The following LEMD3 variants were observed in gnomAD, a reference collection of about 807,000 sequenced individuals.
LEMD3 encodes the protein LEM domain containing 3.
LEMD3 carries 33 observed loss-of-function variants against 95.2 expected under a neutral mutation model. That is an observed-to-expected ratio of 0.35 (90% confidence interval 0.26 to 0.46). The LOEUF (loss-of-function observed/expected upper bound fraction) is 0.46, where lower values mean the gene tolerates loss of function less well. Among genes scored for constraint, LEMD3 ranks in the 20% least tolerant of loss-of-function variants. The probability of loss-of-function intolerance (pLI) is 1.00; values close to 1 mark genes in which losing one functional copy is unlikely to be tolerated. For synonymous variants in LEMD3, 525 were observed against 474.6 expected, an observed-to-expected ratio of 1.11 and a Z score of -1.38; for missense variants, 1,210 against 1,192.8, an observed-to-expected ratio of 1.01 and a Z score of -0.21.
rs551179499 is a variant in LEMD3 at position 65,170,467 on chromosome 12, A to G, written c.871A>G (p.Ser291Gly). The G allele has an allele frequency of 4.6e-5, 74 of 1,613,580 alleles. 1 individual carries two copies. The South Asian group carries it at 7.7e-4, about 17-fold the overall frequency. The change falls in exon 1 of 13, where the codon AGT becomes GGT. Residue 291 changes from serine (S) to glycine (G), a missense_variant. By Grantham distance (56) the Ser-to-Gly change is moderately conservative. Transcript: ENST00000308330. The stretch of plus-strand genomic sequence containing the variant: ...CCGGCATCGGCCCAGACGAACCCAT[A>G]GTAAGCCTCTCCCCCCGCTGACTGC... Reference protein sequence around the residue: ...LSRHRPRRTHSKPLPPLTAKS... With the variant: ...LSRHRPRRTHGKPLPPLTAKS...
intron 4 of LEMD3, among the ~76,000 whole-genome samples, chr12:65,237,447 C>T (rs1465448490): frequency 6.6e-6 from 1 of 152,172 alleles, no homozygotes; most frequent in African/African-American, 2.4e-5. Context: ...TACCAAACCT[C>T]TATAAGTAGT....
At chr12:65,220,115 G>A (rs1870238850) in intron 4 of LEMD3, among the ~76,000 whole-genome samples, 1 of 152,064 alleles carries the variant, frequency 6.6e-6, no homozygotes, top group African/African-American at 2.4e-5. Context: ...ATTTTTTGAG[G>A]AACCTCCATA....
At position 65,210,914 on chromosome 12, in the gene LEMD3, C is replaced by T. The variant is rs11175678; in HGVS notation, c.1523-12C>T. The T allele has an allele frequency of 0.074, 116,356 of 1,574,372 alleles. 4,919 individuals carry two copies. Among genetic ancestry groups the T allele is most frequent in the Non-Finnish European group, 0.085 (96,850 of 1,143,748 alleles). On this transcript the variant is annotated splice_polypyrimidine_tract_variant and intron_variant, in intron 1 of 12. Coordinates refer to ENST00000308330, the MANE Select transcript of LEMD3 (RefSeq NM_014319.5). ...TGATGCTAATACTTGTCTTTTTTTCCTTCCTTGATAGTAGAAAACCCCTTT... is the reference window on the plus strand; with the variant it reads ...TGATGCTAATACTTGTCTTTTTTTCTTTCCTTGATAGTAGAAAACCCCTTT...
chr12:65,229,406 G>A (rs575868801), intron 4 of LEMD3, among the ~76,000 whole-genome samples: 1 of 152,288 alleles, frequency 6.6e-6, no homozygotes, highest in Admixed American at 6.5e-5. Context: ...CCAGTAGTGA[G>A]ATTGCTGGAT....
chr12:65,219,125 G>GA (rs2136341347), intron 4 of LEMD3, among the ~76,000 whole-genome samples: 1 of 152,258 alleles, frequency 6.6e-6, no homozygotes, highest in East Asian at 1.9e-4. Context: ...CTCTATGAGA[G>GA]AATGCATATT....
At chr12:65,199,924 G>C (rs747518484) in intron 1 of LEMD3, among the ~76,000 whole-genome samples, 1 of 151,930 alleles carries the variant, frequency 6.6e-6, no homozygotes, top group Non-Finnish European at 1.5e-5. Flanking sequence ...GGAGAATAGC[G>C]TCTGGAGGCA....
At chr12:65,213,400 A>G (rs1457184977) in intron 2 of LEMD3, among the ~76,000 whole-genome samples, 4 of 151,810 alleles carry the variant, frequency 2.6e-5, no homozygotes, top group Non-Finnish European at 4.4e-5. Context: ...TAAATTTTGT[A>G]TTTTTTTGTA....
rs577828309 is a variant in LEMD3, at chr12:65,226,892, TC to T, written c.1695+8274del. Among the ~76,000 whole-genome samples the T allele has an allele frequency of 1.4e-4, 21 of 152,362 alleles. No individual in the cohort carries two copies. In the South Asian group the frequency reaches 4.1e-3, roughly 30 times the overall value. ...TGTTTTCTAATTAAATCAGTGCCAC[TC>T]TAGCGAGTAATCTCTAATAACATGC... On this transcript the variant is annotated intron_variant, in intron 4 of 12. Transcript: ENST00000308330.
At position 65,169,928 on chromosome 12, in the gene LEMD3, C is replaced by G; in HGVS notation, c.332C>G (p.Ser111Trp). Reference protein sequence around the residue: ...LRTPGGLCRISASGPESLLGG... With the variant: ...LRTPGGLCRIWASGPESLLGG... Reference sequence around the variant, plus strand: ...ACTCCTGGGGGCCTGTGCCGAATCTCGGCCTCTGGCCCAGAGAGCCTCCTG... The same window carrying G: ...ACTCCTGGGGGCCTGTGCCGAATCTGGGCCTCTGGCCCAGAGAGCCTCCTG... Residue 111 changes from serine to tryptophan, a missense_variant, in exon 1 of 13, where the codon TCG becomes TGG. Ser to Trp is a radical substitution (Grantham distance 177). Coordinates refer to ENST00000308330, the MANE Select transcript of LEMD3 (RefSeq NM_014319.5). The G allele has an allele frequency of 6.9e-7, 1 of 1,448,174 alleles. No individual in the cohort carries two copies. The allele number at this position is 1,448,174 out of a possible 1,614,324, so 89.7% of individuals were successfully genotyped here.
rs77618204 is a variant in LEMD3, at chr12:65,200,211, A to T, written c.1523-10715A>T. The stretch of plus-strand genomic sequence containing the variant: ...TCTGATTGGTCACTTTCCACCATCA[A>T]TCAGACTGGTTGTGACCCACTACTT... On this transcript the variant is annotated intron_variant, in intron 1 of 12. Transcript: ENST00000308330. 7.1e-3 allele frequency among the ~76,000 whole-genome samples: 1,074 copies of T among 152,232 alleles called. 8 individuals are homozygous for T. The highest frequency in any genetic ancestry group is 0.02 in the Middle Eastern group (6 of 294).
intron 4 of LEMD3, among the ~76,000 whole-genome samples, chr12:65,224,793 A>G (rs1309571042): frequency 6.6e-6 from 1 of 152,030 alleles, no homozygotes; most frequent in Non-Finnish European, 1.5e-5. Context: ...TTGGGCCCCA[A>G]ATAACATGGT....
intron 1 of LEMD3, among the ~76,000 whole-genome samples, chr12:65,202,909 T>G (rs1283291613): frequency 2.0e-5 from 3 of 152,162 alleles, no homozygotes; most frequent in African/African-American, 7.2e-5. Context: ...CTTTTATTTC[T>G]GATATTAGTA....
chr12:65,184,473 G>A (rs1240699913), intron 1 of LEMD3, among the ~76,000 whole-genome samples: 1 of 152,150 alleles, frequency 6.6e-6, no homozygotes, highest in African/African-American at 2.4e-5. Flanking sequence ...TGTGGGAGTT[G>A]GAGGAGAAAG....
At chr12:65,231,951 A>G (rs1176372401) in intron 4 of LEMD3, among the ~76,000 whole-genome samples, 2 of 152,062 alleles carry the variant, frequency 1.3e-5, no homozygotes, top group African/African-American at 4.8e-5. Context: ...ATAATATTTC[A>G]TGGTATGATT....
chr12:65,240,077 A>G (rs1451975578), intron 7 of LEMD3, 47 bp downstream of exon 7: 5 of 1,551,192 alleles, frequency 3.2e-6, no homozygotes, highest in Admixed American at 3.4e-5. Context: ...GAGTCATTGC[A>G]TGATTAAACT....
At chr12:65,202,350 G>T (rs1214517002) in intron 1 of LEMD3, among the ~76,000 whole-genome samples, 3 of 151,814 alleles carry the variant, frequency 2.0e-5, no homozygotes, top group Admixed American at 2.0e-4. Context: ...TGCTTTTTCT[G>T]CATTTGTTGA....
intron 2 of LEMD3, among the ~76,000 whole-genome samples, chr12:65,212,966 G>C (rs972713591): frequency 6.6e-6 from 1 of 152,166 alleles, no homozygotes. Context: ...TAGTGTACTT[G>C]TACTAAAGAT....
chr12:65,230,489 T>C (rs530083315), intron 4 of LEMD3, among the ~76,000 whole-genome samples: 6 of 152,236 alleles, frequency 3.9e-5, no homozygotes, highest in African/African-American at 1.4e-4. Flanking sequence ...TTAAATTTAA[T>C]TGTAGGTATT....
At chr12:65,191,490 C>T (rs184132477) in intron 1 of LEMD3, among the ~76,000 whole-genome samples, 1 of 152,182 alleles carries the variant, frequency 6.6e-6, no homozygotes, top group East Asian at 1.9e-4. Context: ...AGTTAAACAT[C>T]ATTGCTTATT....
Sources: allele counts gnomAD v4.1 joint callset (sites outside exome capture counted in the v4.1 genomes callset), GRCh38; gene constraint gnomAD v4.1.1; transcripts MANE v1.5; gene names NCBI Gene and HGNC (gene_info 2026-07-23, HGNC 2026-07-21).